Variants in PTPRD observed in about 807,000 individuals in gnomAD.
PTPRD encodes receptor-type tyrosine-protein phosphatase delta.
A neutral mutation model predicts 214.5 loss-of-function variants in PTPRD; 34 were observed. The ratio of observed to expected loss-of-function variants is 0.16; its 90% CI spans 0.12 to 0.21. PTPRD has a LOEUF of 0.21. PTPRD is among the 10% of genes least tolerant of loss of function. PTPRD has a pLI of 1.00. For synonymous variants in PTPRD, 1,128 were observed against 845.7 expected (o/e 1.33, Z -5.79); for missense variants, 2,545 against 2,398.7 (o/e 1.06, Z -1.27).
intron 9 of PTPRD, among the ~76,000 whole-genome samples, chr9:9,203,348 G>C (rs1189708793): frequency 2.0e-5 from 3 of 152,076 alleles, no homozygotes; most frequent in African/African-American, 4.8e-5. Flanking sequence ...ATATAGTAGA[G>C]CTTGGACTTT....
At chr9:10,369,001 T>A (rs561552111) in intron 2 of PTPRD, among the ~76,000 whole-genome samples, 1 of 151,582 alleles carries the variant, frequency 6.6e-6, no homozygotes, top group Non-Finnish European at 1.5e-5. Flanking sequence ...GGAATATGTG[T>A]TTTTTTTAAT....
chr9:9,804,472 A>C (rs1475898834), intron 5 of PTPRD, among the ~76,000 whole-genome samples: 1 of 152,162 alleles, frequency 6.6e-6, no homozygotes, highest in East Asian at 1.9e-4. Context: ...TGAACAAAAA[A>C]TTTTATATGG....
At chr9:10,168,856 G>C (rs2099178293) in intron 3 of PTPRD, among the ~76,000 whole-genome samples, 1 of 152,116 alleles carries the variant, frequency 6.6e-6, no homozygotes, top group South Asian at 2.1e-4. Context: ...CACGGCGCTA[G>C]CAATTAAATC....
At chr9:8,714,188 T>C (rs1016473905) in intron 12 of PTPRD, among the ~76,000 whole-genome samples, 1 of 152,236 alleles carries the variant, frequency 6.6e-6, no homozygotes, top group African/African-American at 2.4e-5. Flanking sequence ...GAGAAAATTT[T>C]TGTGTCTCAG....
intron 2 of PTPRD, among the ~76,000 whole-genome samples, chr9:10,514,739 T>A (rs10756045): frequency 0.33 from 49,571 of 151,672 alleles, 8,409 homozygotes; most frequent in Non-Finnish European, 0.38. Flanking sequence ...AATTTACGTA[T>A]AAGCAAGATA....
At chr9:10,188,117 T>C (rs2154316648) in intron 3 of PTPRD, among the ~76,000 whole-genome samples, 1 of 152,364 alleles carries the variant, frequency 6.6e-6, no homozygotes, top group South Asian at 2.1e-4. Context: ...TGGTATTTCA[T>C]GCTAAAGTCA....
At chr9:8,373,617 GT>G (rs1244326971) in intron 39 of PTPRD, among the ~76,000 whole-genome samples, 15 of 3,850 alleles carry the variant, frequency 3.9e-3, no homozygotes, top group African/African-American at 5.4e-3. Flanking sequence ...ATGCGGGTGT[GT>G]GTGTGTGTGT....
chr9:9,861,579 G>A (rs956838189), intron 5 of PTPRD, among the ~76,000 whole-genome samples: 7 of 152,114 alleles, frequency 4.6e-5, no homozygotes, highest in Admixed American at 4.6e-4. Context: ...GTGAGCCACC[G>A]CACATGGCCG....
intron 2 of PTPRD, among the ~76,000 whole-genome samples, chr9:10,539,948 G>A (rs1300445278): frequency 6.6e-6 from 1 of 152,142 alleles, no homozygotes; most frequent in Non-Finnish European, 1.5e-5. Flanking sequence ...AATCAGCAAT[G>A]TTTTAAATAC....
chr9:9,062,906 G>C (rs1468179318), intron 10 of PTPRD, among the ~76,000 whole-genome samples: 5 of 152,146 alleles, frequency 3.3e-5, no homozygotes, highest in Admixed American at 2.6e-4. Context: ...GTTTTAAGTA[G>C]TAATATAAAT....
At chr9:8,378,026 G>A (rs1235728122) in intron 37 of PTPRD, among the ~76,000 whole-genome samples, 1 of 152,004 alleles carries the variant, frequency 6.6e-6, no homozygotes, top group Non-Finnish European at 1.5e-5. Context: ...TAGCTATACA[G>A]TAAGCTAGAT....
chr9:9,916,091 A>C (rs530821304), intron 5 of PTPRD, among the ~76,000 whole-genome samples: 32 of 150,424 alleles, frequency 2.1e-4, no homozygotes, highest in Admixed American at 4.6e-4. Flanking sequence ...AAAAAAAAAA[A>C]AACAAAAAAC....
intron 11 of PTPRD, among the ~76,000 whole-genome samples, chr9:8,858,591 C>G (rs943467597): frequency 4.6e-5 from 7 of 152,126 alleles, no homozygotes; most frequent in African/African-American, 1.7e-4. Flanking sequence ...TGCTGGGGAT[C>G]CCACGGAATT....
At chr9:9,965,011 G>T (rs1315766270) in intron 4 of PTPRD, among the ~76,000 whole-genome samples, 1 of 151,986 alleles carries the variant, frequency 6.6e-6, no homozygotes, top group Non-Finnish European at 1.5e-5. Flanking sequence ...TTTTATTTTG[G>T]TATTAGGACT....
intron 35 of PTPRD, among the ~76,000 whole-genome samples, chr9:8,434,533 C>A (rs1168134971): frequency 6.6e-6 from 1 of 152,046 alleles, no homozygotes; most frequent in East Asian, 1.9e-4. Flanking sequence ...TATATTATTG[C>A]CCATGGTTTA....
chr9:9,195,223 T>TA (rs1204330931), intron 9 of PTPRD, among the ~76,000 whole-genome samples: 2 of 151,802 alleles, frequency 1.3e-5, no homozygotes, highest in East Asian at 3.9e-4. Flanking sequence ...ACATCTTGGA[T>TA]AAAAAAAGGT....
chr9:10,514,267 T>A (rs1222163454), intron 2 of PTPRD, among the ~76,000 whole-genome samples: 1 of 151,970 alleles, frequency 6.6e-6, no homozygotes, highest in African/African-American at 2.4e-5. Flanking sequence ...ATTTAATTTT[T>A]CTTTTATGTA....
At chr9:10,423,199 A>G (rs2098564515) in intron 2 of PTPRD, among the ~76,000 whole-genome samples, 3 of 151,246 alleles carry the variant, frequency 2.0e-5, no homozygotes, top group Admixed American at 6.6e-5. Flanking sequence ...GTAAACTATC[A>G]CAAGGACAGA....
At chr9:10,226,703 T>C (rs1021311895) in intron 3 of PTPRD, among the ~76,000 whole-genome samples, 5 of 152,058 alleles carry the variant, frequency 3.3e-5, no homozygotes, top group African/African-American at 1.2e-4. Context: ...TTTCCCATTT[T>C]ACAAATGATA....
Sources: gnomAD v4.1 joint callset for allele counts (sites outside exome capture counted in the v4.1 genomes callset) on GRCh38, gnomAD v4.1.1 for gene constraint, MANE v1.5 for transcripts, NCBI Gene and HGNC (gene_info 2026-07-23, HGNC 2026-07-21) for gene names.